POLR1B: variants seen among roughly 807,000 people sequenced by gnomAD.
POLR1B encodes RNA polymerase I subunit B, also known as DNA-directed RNA polymerase I subunit RPA2.
A neutral mutation model predicts 105.8 loss-of-function variants in POLR1B; 30 were observed. The ratio of observed to expected loss-of-function variants is 0.28; its 90% confidence interval spans 0.21 to 0.38. The LOEUF (loss-of-function observed/expected upper bound fraction) is 0.38. Ranked by LOEUF, POLR1B falls within the 10% of genes least tolerant of loss-of-function variation. The pLI is 1.00. For missense variants in POLR1B, 976 were observed against 1,435.8 expected (o/e 0.68, Z 5.17); for synonymous variants, 485 against 505.1 (o/e 0.96, Z 0.53).
rs1403825442 is a variant in POLR1B at position 112,567,305 on chromosome 2, TTGTTGTTGTTGTTGTTG to T, written c.1747-660_1747-644del. ...GTTCTGACACATGGGTTTGTTGTTG[TTGTTGTTGTTGTTGTTG>T]TTTTCAGGTTTCTGTAATTTAGGTT... On this transcript the variant is annotated intron_variant, in intron 10 of 14. Transcript: ENST00000263331. Among the ~76,000 whole-genome samples, 14 of 152,122 alleles carry T rather than the reference TTGTTGTTGTTGTTGTTG, an allele frequency of 9.2e-5. No individual in the cohort carries two copies. The East Asian group carries it at 2.5e-3, about 27-fold the overall frequency.
At position 112,550,862 on chromosome 2, in the gene POLR1B, A is replaced by G. The variant is rs1683329623; in HGVS notation, c.626-4A>G. On this transcript the variant is annotated splice_region_variant and splice_polypyrimidine_tract_variant and intron_variant, in intron 4 of 14. Transcript: ENST00000263331. The stretch of plus-strand genomic sequence containing the variant: ...TCTGATTTTTTTGTTGTTTGGTTCA[A>G]TAGGAGTTTCAATGCACTGTGTGAG... 4 of 1,613,230 alleles carry G rather than the reference A, an allele frequency of 2.5e-6. No homozygotes were observed. Among genetic ancestry groups the G allele is most frequent in the South Asian group, 1.1e-5 (1 of 90,932 alleles).
In POLR1B at chr2:112,573,794, A is replaced by G. The variant is rs1040027573; in HGVS notation, c.2504A>G (p.Glu835Gly). 1.3e-5 allele frequency: 21 copies of G among 1,613,942 alleles called. No homozygotes were observed. The highest frequency in any genetic ancestry group is 1.8e-5 in the Non-Finnish European group (21 of 1,179,868). ...AGCTACCTCAACCTCAACACCGGGG[A>G]AAGTTTTGTGATGTACTATAAGTAA... ...YYSYLNLNTGESFVMYYKSKE... is the reference protein window; with the variant it reads ...YYSYLNLNTGGSFVMYYKSKE... The change falls in exon 14 of 15, where the codon GAA becomes GGA. Residue 835 changes from glutamate (E) to glycine (G), a missense_variant. By Grantham distance (98) the Glu-to-Gly change is moderately conservative. Around this residue, in one of 12 missense-constraint regions of POLR1B, gnomAD observed 119 missense variants for 149.7 expected, o/e 0.79. Coordinates refer to ENST00000263331, the MANE Select transcript of POLR1B (RefSeq NM_019014.6).
At chr2:112,564,614 A>G in intron 10 of POLR1B, 115 bp downstream of exon 10, 1 of 1,390,876 alleles carries the variant, frequency 7.2e-7, no homozygotes, top group Non-Finnish European at 1.0e-6. Context: ...TCAGGGGGTC[A>G]CAATGTCCAG....
At chr2:112,553,246 T>C (rs1165660416) in intron 7 of POLR1B, 2 of 153,196 alleles carry the variant, frequency 1.3e-5, no homozygotes, top group Non-Finnish European at 2.9e-5. Context: ...ATGTTACAGC[T>C]GAGGCGGGGC....
In POLR1B at chr2:112,563,048, CT is replaced by C. The variant is rs752232220; in HGVS notation, c.1613-1306del. On this transcript the variant is annotated intron_variant, in intron 9 of 14. Transcript: ENST00000263331. ...CCGGCCAGCTTGTGACAATTTCTTT[CT>C]TTTTTTTTTTTCTTTTTTTTTTTGA... 7.7e-4 allele frequency among the ~76,000 whole-genome samples: 102 copies of C among 131,654 alleles called. No homozygotes were observed. The South Asian group carries it at 9.3e-3, about 12-fold the overall frequency. The allele number at this position is 131,654 out of a possible 152,430, so 86.4% of individuals were successfully genotyped here. A position where few individuals can be genotyped will look rare whatever the true frequency, so the allele number is the denominator to read the frequency against.
chr2:112,559,625 G>A, intron 9 of POLR1B, 51 bp downstream of exon 9: 2 of 1,573,820 alleles, frequency 1.3e-6, no homozygotes, highest in Middle Eastern at 1.7e-4. Context: ...GGGTTTTTTT[G>A]TGTTCTTTTT....
chr2:112,547,555 T>C lies in POLR1B; in HGVS notation c.480T>C (p.His160=). Reference sequence around the variant, plus strand: ...CCCCACAAGCCCTCATTGAGCACCATGAGGAGGCAGAGGTAATGACGGGCG... The same window carrying C: ...CCCCACAAGCCCTCATTGAGCACCACGAGGAGGCAGAGGTAATGACGGGCG... ...NLPPQALIEH[H]EEAEEMGGYF... Residue 160 remains histidine (H), a synonymous_variant, in exon 3 of 15, where the codon CAT becomes CAC. Coordinates refer to ENST00000263331, the MANE Select transcript of POLR1B (RefSeq NM_019014.6). The C allele has an allele frequency of 6.2e-7, 1 of 1,614,032 alleles. No homozygotes were observed. Among genetic ancestry groups the C allele is most frequent in the Admixed American group, 1.7e-5 (1 of 59,984 alleles).
intron 12 of POLR1B, 57 bp from the exon 13 acceptor site, chr2:112,572,505 C>T (rs1684645409): frequency 7.7e-7 from 1 of 1,301,938 alleles, no homozygotes; most frequent in East Asian, 2.5e-5. Flanking sequence ...TTGCGTATCA[C>T]ACCTATAATC....
intron 14 of POLR1B, 40 bp downstream of exon 14, chr2:112,573,855 TTTTTG>T (rs1428962496): frequency 9.4e-6 from 15 of 1,598,294 alleles, no homozygotes; most frequent in African/African-American, 1.3e-5. Flanking sequence ...TTTGTTTTTG[TTTTTG>T]TTTTGAGACA....
intron 4 of POLR1B, chr2:112,550,601 T>C (rs894002675): frequency 2.4e-5 from 11 of 462,478 alleles, no homozygotes; most frequent in African/African-American, 1.8e-4. Context: ...CTAAAAGATG[T>C]GGACTCTGTC....
intron 12 of POLR1B, among the ~76,000 whole-genome samples, chr2:112,570,761 C>G (rs939848080): frequency 1.4e-5 from 2 of 147,904 alleles, no homozygotes; most frequent in African/African-American, 5.0e-5. Flanking sequence ...TCCAGCACTT[C>G]TACTTGTTTC....
Position 112,576,901 on chromosome 2 carries a change from G to C in POLR1B, c.*1172G>C, listed in dbSNP as rs1221133785. 1.3e-5 allele frequency: 2 copies of C among 152,136 alleles called. No homozygotes were observed. The highest frequency in any genetic ancestry group is 1.9e-4 in the East Asian group (1 of 5,192). 9.4% of individuals were successfully genotyped at this position (152,136 alleles called of 1,614,324 possible). ...ATATTTAGTCTACACTTCCATACTTGGCTTTTTTCTGCTTTTATATTGATC... is the reference window on the plus strand; with the variant it reads ...ATATTTAGTCTACACTTCCATACTTCGCTTTTTTCTGCTTTTATATTGATC... On this transcript the variant is annotated 3_prime_UTR_variant, in exon 15 of 15. Transcript: ENST00000263331.
At chr2:112,549,157 CTCTGTGT>C (rs2104514227) in intron 3 of POLR1B, 103 bp from the exon 4 acceptor site, 1 of 1,214,746 alleles carries the variant, frequency 8.2e-7, no homozygotes, top group South Asian at 1.3e-5. Context: ...TACATTTCAC[CTCTGTGT>C]TCCTATTCTG....
upstream of POLR1B, chr2:112,542,394 A>C: frequency 6.2e-7 from 1 of 1,610,694 alleles, no homozygotes; most frequent in East Asian, 2.2e-5. Context: ...ATTTCCCAGC[A>C]GGCTGCGGAA....
chr2:112,542,227 A>G, upstream of POLR1B: 1 of 1,535,078 alleles, frequency 6.5e-7, no homozygotes, highest in South Asian at 1.2e-5. Context: ...GCGAGCGGGG[A>G]GATGAGTGGG....
rs767004772 is a variant in POLR1B at position 112,575,647 on chromosome 2, C to A, written c.3326C>A (p.Thr1109Asn). ...TGTAGTCGCAGTGACACTATCGATA[C>A]TGTTTCTGTGCCTTATGTTTTTCGG... ...TLCSRSDTID[T>N]VSVPYVFRYF... The change falls in exon 15 of 15, where the codon ACT (threonine) becomes AAT (asparagine). Residue 1109 changes from threonine to asparagine, a missense_variant. Thr to Asn is a moderately conservative substitution (Grantham distance 65). Transcript: ENST00000263331. This position sits in a 1 kb window ranked among gnomAD's most constrained non-coding sequence, Gnocchi z 5.3. 1 of 1,614,104 alleles carries A rather than the reference C, an allele frequency of 6.2e-7. No homozygotes were observed.
At position 112,561,304 on chromosome 2, in the gene POLR1B, T is replaced by G. The variant is rs79495311; in HGVS notation, c.1612+1730T>G. ...TGCAGAAAAAGAGATGGGGAAGGGTTTTTTGCTCTAGCACTGGAGAAGAAG... is the reference window on the plus strand; with the variant it reads ...TGCAGAAAAAGAGATGGGGAAGGGTGTTTTGCTCTAGCACTGGAGAAGAAG... On this transcript the variant is annotated intron_variant, in intron 9 of 14. Coordinates refer to ENST00000263331, the MANE Select transcript of POLR1B (RefSeq NM_019014.6). Among the ~76,000 whole-genome samples the G allele has an allele frequency of 2.6e-3, 400 of 152,150 alleles. 2 individuals are homozygous for G. The highest frequency in any genetic ancestry group is 9.2e-3 in the African/African-American group (383 of 41,486).
At chr2:112,566,978 C>A (rs1684315399) in intron 10 of POLR1B, among the ~76,000 whole-genome samples, 1 of 152,072 alleles carries the variant, frequency 6.6e-6, no homozygotes, top group South Asian at 2.1e-4. Flanking sequence ...AATGAGCTAC[C>A]TGCCTCATTA....
chr2:112,542,408 G>A (rs757906394), upstream of POLR1B: 3 of 1,612,226 alleles, frequency 1.9e-6, no homozygotes, highest in East Asian at 6.7e-5. Context: ...TGCGGAAACG[G>A]GACTGCGGCC....
Sources: allele counts gnomAD v4.1 joint callset (sites outside exome capture counted in the v4.1 genomes callset), GRCh38; gene constraint gnomAD v4.1.1; regional missense constraint gnomAD v4.1.1; non-coding constraint Gnocchi (gnomAD v3.1); transcripts MANE v1.5; gene names NCBI Gene and HGNC (gene_info 2026-07-23, HGNC 2026-07-21).